DENND1A: variants seen among roughly 807,000 people sequenced by gnomAD.
DENND1A encodes DENN domain-containing protein 1A.
A neutral mutation model predicts 113.7 loss-of-function variants in DENND1A; 51 were observed. The ratio of observed to expected loss-of-function variants is 0.45; its 90% CI spans 0.36 to 0.57. The LOEUF (loss-of-function observed/expected upper bound fraction) is 0.57, where lower values mean the gene tolerates loss of function less well. Ranked by LOEUF, DENND1A falls within the 20% of genes least tolerant of loss-of-function variation. The pLI, the probability that DENND1A is intolerant of heterozygous loss-of-function variation, is 0.00. For synonymous variants in DENND1A, 565 were observed against 570.8 expected (o/e 0.99, Z 0.14); for missense variants, 1,258 against 1,395.9 (o/e 0.90, Z 1.57).
intron 20 of DENND1A, among the ~76,000 whole-genome samples, chr9:123,408,520 T>G (rs2044062177): frequency 6.6e-6 from 1 of 152,114 alleles, no homozygotes; most frequent in African/African-American, 2.4e-5. Context: ...TGCTCAGAGG[T>G]GAGGATCCTG....
At chr9:123,611,017 C>T (rs913700405) in intron 10 of DENND1A, among the ~76,000 whole-genome samples, 2 of 152,188 alleles carry the variant, frequency 1.3e-5, no homozygotes, top group African/African-American at 2.4e-5. Flanking sequence ...CTCCTTACTA[C>T]AGATCTCAGC....
intron 5 of DENND1A, among the ~76,000 whole-genome samples, chr9:123,683,299 C>A (rs577696222): frequency 6.6e-6 from 1 of 152,248 alleles, no homozygotes; most frequent in African/African-American, 2.4e-5. Context: ...AGTAACACAA[C>A]AGTCACATCA....
At chr9:123,833,878 G>C (rs1046062388) in intron 2 of DENND1A, among the ~76,000 whole-genome samples, 1 of 152,078 alleles carries the variant, frequency 6.6e-6, no homozygotes, top group Non-Finnish European at 1.5e-5. Context: ...GGCCAACACG[G>C]TGAAACCCCC....
intron 13 of DENND1A, among the ~76,000 whole-genome samples, chr9:123,484,154 A>T (rs1275065997): frequency 6.6e-6 from 1 of 152,146 alleles, no homozygotes; most frequent in East Asian, 1.9e-4. Context: ...ATGGTGGGAA[A>T]CTCTTGTCTT....
At chr9:123,710,608 T>C (rs911882813) in intron 5 of DENND1A, among the ~76,000 whole-genome samples, 2 of 152,122 alleles carry the variant, frequency 1.3e-5, no homozygotes, top group African/African-American at 2.4e-5. Flanking sequence ...TTCTGATAAT[T>C]TTTAAATGTT....
chr9:123,453,893 C>G (rs2047916958), intron 16 of DENND1A, among the ~76,000 whole-genome samples: 1 of 152,188 alleles, frequency 6.6e-6, no homozygotes, highest in African/African-American at 2.4e-5. Flanking sequence ...TATTGAAACT[C>G]CCTTTATCAA....
chr9:123,496,402 G>T (rs1377880018), intron 13 of DENND1A, among the ~76,000 whole-genome samples: 3 of 152,208 alleles, frequency 2.0e-5, no homozygotes, highest in Non-Finnish European at 4.4e-5. Context: ...TCTGGCAAGT[G>T]ATTTTGAAGA....
intron 2 of DENND1A, among the ~76,000 whole-genome samples, chr9:123,850,687 TC>T (rs1843217273): frequency 6.6e-6 from 1 of 152,188 alleles, no homozygotes; most frequent in African/African-American, 2.4e-5. Context: ...TGCCATGGTT[TC>T]CCCATCTGTA....
chr9:123,666,883 T>C (rs988829839), intron 8 of DENND1A, 143 bp downstream of exon 8: 28 of 738,968 alleles, frequency 3.8e-5, no homozygotes, highest in Middle Eastern at 4.0e-4. Context: ...TCAGTTCTTA[T>C]ACTTTTGTTT....
chr9:123,821,450 G>A (rs966087871), intron 2 of DENND1A, among the ~76,000 whole-genome samples: 2 of 152,186 alleles, frequency 1.3e-5, no homozygotes, highest in Non-Finnish European at 2.9e-5. Context: ...TAGCTTACTA[G>A]TCTGTCATGG....
intron 12 of DENND1A, among the ~76,000 whole-genome samples, chr9:123,563,261 C>T (rs891565639): frequency 4.6e-5 from 7 of 152,232 alleles, no homozygotes; most frequent in Admixed American, 6.5e-5. Context: ...AGTATTGCCC[C>T]GGCCCTGCCT....
chr9:123,654,134 A>G (rs1277952855), intron 8 of DENND1A, among the ~76,000 whole-genome samples: 1 of 152,206 alleles, frequency 6.6e-6, no homozygotes, highest in Non-Finnish European at 1.5e-5. Flanking sequence ...GGAGGAACAC[A>G]GAGCTAATGA....
At chr9:123,777,705 T>G (rs1447411335) in intron 3 of DENND1A, among the ~76,000 whole-genome samples, 1 of 152,210 alleles carries the variant, frequency 6.6e-6, no homozygotes, top group Admixed American at 6.5e-5. Flanking sequence ...TTAGCTCTTG[T>G]ATGAGAATAA....
chr9:123,743,592 C>T (rs2069206128), intron 5 of DENND1A, among the ~76,000 whole-genome samples: 1 of 150,408 alleles, frequency 6.6e-6, no homozygotes. Flanking sequence ...CTTAGCTGAG[C>T]ATGGTCGTGG....
intron 2 of DENND1A, among the ~76,000 whole-genome samples, chr9:123,831,620 T>C (rs933730080): frequency 6.6e-6 from 1 of 152,218 alleles, no homozygotes; most frequent in African/African-American, 2.4e-5. Context: ...GACCCCTGCA[T>C]ACATGGACAT....
intron 9 of DENND1A, among the ~76,000 whole-genome samples, chr9:123,631,440 G>A (rs1049434338): frequency 7.2e-5 from 11 of 152,140 alleles, no homozygotes; most frequent in African/African-American, 2.2e-4. Flanking sequence ...CTGATGAAAT[G>A]CAAAGAATAC....
intron 10 of DENND1A, among the ~76,000 whole-genome samples, chr9:123,620,086 T>C (rs1188803460): frequency 6.6e-6 from 1 of 151,360 alleles, no homozygotes; most frequent in Admixed American, 6.6e-5. Flanking sequence ...TGGTGGCGCA[T>C]ATCTGTAATC....
chr9:123,671,194 G>A, intron 7 of DENND1A, 97 bp downstream of exon 7: 1 of 1,406,546 alleles, frequency 7.1e-7, no homozygotes, highest in Non-Finnish European at 1.0e-6. Context: ...GTTAGGGGAG[G>A]TATGGCTGAC....
intron 2 of DENND1A, among the ~76,000 whole-genome samples, chr9:123,828,306 A>G (rs1839675511): frequency 6.6e-6 from 1 of 152,174 alleles, no homozygotes; most frequent in African/African-American, 2.4e-5. Context: ...GAAAAAAACA[A>G]GTGAACAGAT....
Sources: gnomAD v4.1 joint callset for allele counts (sites outside exome capture counted in the v4.1 genomes callset) on GRCh38, gnomAD v4.1.1 for gene constraint, MANE v1.5 for transcripts, NCBI Gene and HGNC (gene_info 2026-07-23, HGNC 2026-07-21) for gene names.